Variants in DCLK1 observed in about 807,000 individuals in gnomAD.
DCLK1 encodes the protein doublecortin like kinase 1.
In DCLK1, 16 loss-of-function variants were observed where a neutral mutation model predicts 86.2. The observed-to-expected ratio is 0.19, with a 90% CI of 0.13 to 0.28. The LOEUF (loss-of-function observed/expected upper bound fraction) is 0.28. Ranked by LOEUF, DCLK1 falls within the 10% of genes least tolerant of loss-of-function variation. DCLK1 has a pLI of 1.00. For missense variants in DCLK1, 590 were observed against 940.2 expected, an observed-to-expected ratio of 0.63 and a Z score of 4.87; for synonymous variants, 369 against 370.5, an observed-to-expected ratio of 1.00 and a Z score of 0.05.
rs143024576 is a variant in DCLK1, at chr13:36,120,220, A to G, written c.376+5542T>C. ...AATCAAGCTATAAATAAAGAATAACACATTTGATTATATAATTGTTTTGTA... is the reference window on the plus strand; with the variant it reads ...AATCAAGCTATAAATAAAGAATAACGCATTTGATTATATAATTGTTTTGTA... On this transcript the variant is annotated intron_variant, in intron 2 of 16. Transcript: ENST00000360631. 6.0e-3 allele frequency among the ~76,000 whole-genome samples: 909 copies of G among 152,244 alleles called. 8 individuals are homozygous for G. The highest frequency in any genetic ancestry group is 0.021 in the African/African-American group (857 of 41,536).
chr13:36,041,081 C>G (rs1396517001), intron 3 of DCLK1, among the ~76,000 whole-genome samples: 2 of 152,120 alleles, frequency 1.3e-5, no homozygotes, highest in Admixed American at 6.6e-5. Flanking sequence ...GTATTAAACA[C>G]CAAAATCCAG....
At chr13:36,062,160 T>G (rs1030749388) in intron 3 of DCLK1, among the ~76,000 whole-genome samples, 2 of 152,226 alleles carry the variant, frequency 1.3e-5, no homozygotes, top group African/African-American at 4.8e-5. Flanking sequence ...AACACCTACA[T>G]TAATTTATAT....
intron 3 of DCLK1, among the ~76,000 whole-genome samples, chr13:36,096,999 T>G (rs2138151160): frequency 6.6e-6 from 1 of 152,294 alleles, no homozygotes; most frequent in African/African-American, 2.4e-5. Flanking sequence ...CTGTAATAAG[T>G]TACTTATAAA....
chr13:36,109,078 G>A (rs1399278090), intron 3 of DCLK1, among the ~76,000 whole-genome samples: 2 of 152,208 alleles, frequency 1.3e-5, no homozygotes, highest in East Asian at 1.9e-4. Context: ...GACTCCTGGG[G>A]TCCATGAGGA....
At chr13:35,968,702 C>G (rs1422975234) in intron 3 of DCLK1, among the ~76,000 whole-genome samples, 1 of 151,982 alleles carries the variant, frequency 6.6e-6, no homozygotes, top group Non-Finnish European at 1.5e-5. Context: ...TACTGACACA[C>G]CAAGTTTCTG....
chr13:36,011,167 C>A (rs1881245548), intron 3 of DCLK1, among the ~76,000 whole-genome samples: 1 of 83,470 alleles, frequency 1.2e-5, no homozygotes, highest in Non-Finnish European at 2.5e-5. Flanking sequence ...TTGATCCTTT[C>A]AAAAAACCAG....
chr13:35,825,332 C>T (rs957058366), intron 10 of DCLK1, among the ~76,000 whole-genome samples: 1 of 152,104 alleles, frequency 6.6e-6, no homozygotes, highest in Non-Finnish European at 1.5e-5. Context: ...GAGATTAAAT[C>T]GAAGGGTATG....
chr13:35,792,249 T>C (rs2153099390), intron 16 of DCLK1, among the ~76,000 whole-genome samples: 1 of 152,240 alleles, frequency 6.6e-6, no homozygotes, highest in East Asian at 1.9e-4. Flanking sequence ...ATGCAAACAG[T>C]ACGAGGGTGT....
At chr13:35,998,658 T>C (rs187778177) in intron 3 of DCLK1, among the ~76,000 whole-genome samples, 36 of 152,316 alleles carry the variant, frequency 2.4e-4, no homozygotes, top group Admixed American at 1.1e-3. Flanking sequence ...CTCACTATCA[T>C]GCGCACTGCA....
chr13:35,869,817 C>A (rs1204750128), intron 5 of DCLK1, among the ~76,000 whole-genome samples: 1 of 152,106 alleles, frequency 6.6e-6, no homozygotes, highest in Non-Finnish European at 1.5e-5. Context: ...AGAACCACTG[C>A]CCTCACCTAC....
intron 5 of DCLK1, among the ~76,000 whole-genome samples, chr13:35,863,471 T>C (rs1047238137): frequency 6.6e-6 from 1 of 152,210 alleles, no homozygotes; most frequent in South Asian, 2.1e-4. Context: ...TTAAAGGCTT[T>C]GAAGAGTATC....
chr13:35,921,621 A>G (rs992421035), intron 4 of DCLK1, among the ~76,000 whole-genome samples: 2 of 152,162 alleles, frequency 1.3e-5, no homozygotes, highest in African/African-American at 4.8e-5. Flanking sequence ...TGAGGCAAAG[A>G]CCATGTCTGT....
rs557286803 is a variant in DCLK1, at chr13:36,069,996, C to A, written c.723+41873G>T. 2.0e-5 allele frequency among the ~76,000 whole-genome samples: 3 copies of A among 152,246 alleles called. No individual in the cohort carries two copies. In the East Asian group the frequency reaches 5.8e-4, roughly 29 times the overall value. ...CAACAAAGAACTCTTTGAGGGCCAA[C>A]TTTATGTCCGGTGAAGAGTGAGGTT... On this transcript the variant is annotated intron_variant, in intron 3 of 16. Transcript: ENST00000360631.
Position 35,847,840 on chromosome 13 carries a change from C to T in DCLK1, c.1035+6659G>A, listed in dbSNP as rs1220752371. ...ACAGGGATGTATACAGATGAGAGAACCTGACACTTCTTAAAATTCTATGGC... is the reference window on the plus strand; with the variant it reads ...ACAGGGATGTATACAGATGAGAGAATCTGACACTTCTTAAAATTCTATGGC... On this transcript the variant is annotated intron_variant, in intron 6 of 16. Transcript: ENST00000360631. The T allele has an allele frequency of 4.1e-6, 4 of 985,012 alleles. No individual in the cohort carries two copies. The African/African-American group carries it at 7.0e-5, about 17-fold the overall frequency. 61.0% of individuals were successfully genotyped at this position (985,012 alleles called of 1,614,324 possible).
At chr13:36,100,179 CAAAAAAAAAAAAAAAAAAAAA>C (rs58824322) in intron 3 of DCLK1, among the ~76,000 whole-genome samples, 2 of 37,686 alleles carry the variant, frequency 5.3e-5, no homozygotes, top group South Asian at 2.7e-3. Context: ...CCTGTCTCTA[CAAAAAAAAAAAAAAAAAAAAA>C]AAAAAAAAAA....
chr13:35,830,174 T>A (rs777829844), intron 8 of DCLK1, among the ~76,000 whole-genome samples: 3 of 151,682 alleles, frequency 2.0e-5, no homozygotes, highest in African/African-American at 7.3e-5. Flanking sequence ...TCACTTGAGG[T>A]CAGGAGTTCG....
At chr13:35,864,949 G>A (rs1871686586) in intron 5 of DCLK1, among the ~76,000 whole-genome samples, 1 of 151,994 alleles carries the variant, frequency 6.6e-6, no homozygotes, top group African/African-American at 2.4e-5. Flanking sequence ...ACCATGCCTG[G>A]CCCCAGAGCT....
intron 5 of DCLK1, among the ~76,000 whole-genome samples, chr13:35,870,054 A>G (rs1199277474): frequency 6.6e-6 from 1 of 152,134 alleles, no homozygotes; most frequent in Admixed American, 6.6e-5. Context: ...GAGCAGTGTC[A>G]TACTAAGGGA....
chr13:35,796,746 C>G (rs767253366), intron 15 of DCLK1, among the ~76,000 whole-genome samples: 1 of 152,152 alleles, frequency 6.6e-6, no homozygotes, highest in African/African-American at 2.4e-5. Context: ...CAGGTTGCAT[C>G]AATTGAGGAT....
Sources: gnomAD v4.1 joint callset for allele counts (sites outside exome capture counted in the v4.1 genomes callset) on GRCh38, gnomAD v4.1.1 for gene constraint, MANE v1.5 for transcripts, NCBI Gene and HGNC (gene_info 2026-07-23, HGNC 2026-07-21) for gene names.